The following LRBA variants were observed in gnomAD, a reference collection of about 807,000 sequenced individuals.
LRBA encodes the protein LPS responsive beige-like anchor protein.
A neutral mutation model predicts 330.0 loss-of-function variants in LRBA; 176 were observed. The observed-to-expected ratio is 0.53, with a 90% CI of 0.47 to 0.60. LRBA has a LOEUF of 0.60. Among genes scored for constraint, LRBA ranks in the 20% least tolerant of loss-of-function variants. The probability of loss-of-function intolerance (pLI) is 0.00; values close to 1 mark genes in which losing one functional copy is unlikely to be tolerated. For missense variants in LRBA, 3,259 were observed against 3,444.8 expected, an observed-to-expected ratio of 0.95 and a Z score of 1.35; for synonymous variants, 1,230 against 1,193.0, an observed-to-expected ratio of 1.03 and a Z score of -0.64.
At chr4:151,010,324 T>TA (rs749877104) in intron 2 of LRBA, among the ~76,000 whole-genome samples, 1 of 152,302 alleles carries the variant, frequency 6.6e-6, no homozygotes, top group East Asian at 1.9e-4. Flanking sequence ...TGCCAACATA[T>TA]ATTAATTATT....
intron 35 of LRBA, among the ~76,000 whole-genome samples, chr4:150,748,968 T>G (rs1365922379): frequency 6.6e-6 from 1 of 152,144 alleles, no homozygotes. Flanking sequence ...CACTGAAACC[T>G]GCCAGTGTCT....
At chr4:150,594,203 CTTGAGGAT>C (rs1773219163) in intron 38 of LRBA, among the ~76,000 whole-genome samples, 1 of 151,906 alleles carries the variant, frequency 6.6e-6, no homozygotes, top group South Asian at 2.1e-4. Flanking sequence ...TTAACTCCCC[CTTGAGGAT>C]TTTAAGTTAG....
intron 2 of LRBA, among the ~76,000 whole-genome samples, chr4:150,998,248 G>A (rs1379242115): frequency 6.6e-6 from 1 of 151,378 alleles, no homozygotes; most frequent in East Asian, 2.0e-4. Context: ...AGCTACTTGG[G>A]AGGCTGAGGC....
At chr4:150,813,170 AAAAAAAG>A (rs1185745565) in intron 31 of LRBA, among the ~76,000 whole-genome samples, 6 of 106,340 alleles carry the variant, frequency 5.6e-5, no homozygotes, top group Admixed American at 1.1e-4. Flanking sequence ...TTAAAAAAAA[AAAAAAAG>A]AAAGAAAGAA....
At chr4:150,920,366 T>C (rs530730800) in intron 5 of LRBA, among the ~76,000 whole-genome samples, 26 of 152,226 alleles carry the variant, frequency 1.7e-4, no homozygotes, top group Admixed American at 4.6e-4. Flanking sequence ...CTGGCCAACA[T>C]GGCAAAACCC....
At chr4:150,805,178 A>G (rs1201133448) in intron 33 of LRBA, among the ~76,000 whole-genome samples, 1 of 148,824 alleles carries the variant, frequency 6.7e-6, no homozygotes, top group African/African-American at 2.6e-5. Context: ...AAAAGAAAAA[A>G]AAAAGGAAGG....
At chr4:150,731,137 A>G (rs1730398937) in intron 36 of LRBA, among the ~76,000 whole-genome samples, 1 of 152,238 alleles carries the variant, frequency 6.6e-6, no homozygotes, top group African/African-American at 2.4e-5. Flanking sequence ...AAAGTCAGGT[A>G]ATAACAAACG....
intron 40 of LRBA, among the ~76,000 whole-genome samples, chr4:150,557,987 T>C (rs988205851): frequency 6.6e-6 from 1 of 152,148 alleles, no homozygotes; most frequent in African/African-American, 2.4e-5. Flanking sequence ...AACCTCCACC[T>C]CCCAGGTTCA....
chr4:150,312,884 C>A (rs1344157770), intron 51 of LRBA, among the ~76,000 whole-genome samples: 6 of 151,830 alleles, frequency 4.0e-5, no homozygotes, highest in Non-Finnish European at 8.8e-5. Context: ...CTCAGAGGTT[C>A]CATCTATAAA....
In LRBA at chr4:150,825,381, G is replaced by C. The variant is rs192950095; in HGVS notation, c.5171+2799C>G. Among the ~76,000 whole-genome samples the C allele has an allele frequency of 1.7e-4, 26 of 151,948 alleles. No homozygotes were observed. In the East Asian group the frequency reaches 2.5e-3, roughly 15 times the overall value. On this transcript the variant is annotated intron_variant, in intron 30 of 56. Transcript: ENST00000651943. ...CAGTTCATCTCTTTTTATGGGGCAG[G>C]GGGGGAAGGAGTTTTGCTCTTGTTG... is the stretch of plus-strand genomic sequence containing the variant.
intron 2 of LRBA, among the ~76,000 whole-genome samples, chr4:151,004,165 T>G (rs1046269449): frequency 2.0e-5 from 3 of 152,158 alleles, no homozygotes; most frequent in Admixed American, 1.3e-4. Context: ...GCCTCCCAAG[T>G]AGCTGAGAAT....
intron 2 of LRBA, among the ~76,000 whole-genome samples, chr4:150,978,920 G>C (rs557857461): frequency 6.6e-6 from 1 of 152,218 alleles, no homozygotes; most frequent in East Asian, 1.9e-4. Context: ...ACAAATCTGA[G>C]AGTTATTGTC....
rs116674282 is a variant in LRBA at position 150,392,109 on chromosome 4, A to T, written c.7194+23329T>A. 9.1e-4 allele frequency among the ~76,000 whole-genome samples: 139 copies of T among 152,122 alleles called. 4 individuals carry two copies. The highest frequency in any genetic ancestry group is 3.3e-3 in the African/African-American group (137 of 41,490). Reference sequence around the variant, plus strand: ...CATCACTTTATTATTCACCCCAGCTACACGGAACTGTTCATCATTTACCCA... The same window carrying T: ...CATCACTTTATTATTCACCCCAGCTTCACGGAACTGTTCATCATTTACCCA... On this transcript the variant is annotated intron_variant, in intron 47 of 56. Transcript: ENST00000651943.
intron 48 of LRBA, among the ~76,000 whole-genome samples, chr4:150,337,240 G>A (rs767690542): frequency 1.1e-4 from 17 of 152,154 alleles, no homozygotes; most frequent in Admixed American, 5.9e-4. Context: ...GATGGTGCCT[G>A]AAAGGAAACA....
chr4:150,786,330 G>A (rs1035183569), intron 34 of LRBA, among the ~76,000 whole-genome samples: 6 of 148,356 alleles, frequency 4.0e-5, no homozygotes, highest in Admixed American at 6.9e-5. Context: ...CGCAAGTTCC[G>A]CCTCCTGGGT....
intron 4 of LRBA, among the ~76,000 whole-genome samples, chr4:150,922,124 G>C (rs972536277): frequency 2.6e-5 from 4 of 151,852 alleles, no homozygotes; most frequent in Non-Finnish European, 5.9e-5. Context: ...GCCTCACAAA[G>C]TGCTGGGATT....
chr4:150,618,850 A>G lies in LRBA; in HGVS notation c.5922-19719T>C, dbSNP rs58453812. ...ATATATTATGTATATGTGTGTATGTATATATATATATATATATATATACAC... is the reference window on the plus strand; with the variant it reads ...ATATATTATGTATATGTGTGTATGTGTATATATATATATATATATATACAC... On this transcript the variant is annotated intron_variant, in intron 37 of 56. Coordinates refer to ENST00000651943, the MANE Select transcript of LRBA (RefSeq NM_001364905.1). Among the ~76,000 whole-genome samples the G allele has an allele frequency of 3.1e-3, 19 of 6,044 alleles. No individual in the cohort carries two copies. The Non-Finnish European group carries it at 0.037, about 12-fold the overall frequency. The allele number at this position is 6,044 out of a possible 152,430, so 4.0% of individuals were successfully genotyped here.
intron 37 of LRBA, among the ~76,000 whole-genome samples, chr4:150,603,584 T>G (rs1407359597): frequency 6.6e-6 from 1 of 152,068 alleles, no homozygotes; most frequent in Non-Finnish European, 1.5e-5. Flanking sequence ...GCCTCTAACT[T>G]TTGGGCTCAA....
At chr4:150,820,588 A>G (rs1348433820) in intron 30 of LRBA, among the ~76,000 whole-genome samples, 1 of 152,050 alleles carries the variant, frequency 6.6e-6, no homozygotes, top group Non-Finnish European at 1.5e-5. Flanking sequence ...AATAAAATCA[A>G]TTTCCAAATT....
Sources: allele counts gnomAD v4.1 joint callset (sites outside exome capture counted in the v4.1 genomes callset), GRCh38; gene constraint gnomAD v4.1.1; transcripts MANE v1.5; gene names NCBI Gene and HGNC (gene_info 2026-07-23, HGNC 2026-07-21).